The following MAGED1 variants were observed in gnomAD, a reference collection of about 807,000 sequenced individuals.
MAGED1 encodes the protein MAGE family member D1.
In MAGED1, 3 loss-of-function variants were observed where a neutral mutation model predicts 54.1. The observed-to-expected ratio is 0.06, with a 90% CI of 0.03 to 0.14. MAGED1 has a LOEUF of 0.14. MAGED1 is among the 10% of genes least tolerant of loss of function. The probability of loss-of-function intolerance (pLI) is 1.00; values close to 1 mark genes in which losing one functional copy is unlikely to be tolerated. For synonymous variants in MAGED1, 217 were observed against 227.3 expected, an observed-to-expected ratio of 0.95 and a Z score of 0.41; for missense variants, 485 against 623.4, an observed-to-expected ratio of 0.78 and a Z score of 2.36.
chrX:51,897,646 G>T lies in MAGED1; in HGVS notation c.1566+20G>T. On this transcript the variant is annotated intron_variant, in intron 6 of 12. Coordinates refer to ENST00000326587, the MANE Select transcript of MAGED1 (RefSeq NM_006986.4). ...GAGAAGGTGAGAAGGCAGCCCTGGG[G>T]TACAGGAATAATGGGGAAAGTCTTG... 1 of 1,179,291 alleles carries T rather than the reference G, an allele frequency of 8.5e-7. No individual in the cohort carries two copies. Among genetic ancestry groups the T allele is most frequent in the Non-Finnish European group, 1.2e-6 (1 of 866,636 alleles).
intron 1 of MAGED1, among the ~76,000 whole-genome samples, chrX:51,833,721 C>T (rs1447129626): frequency 1.8e-5 from 2 of 112,016 alleles, no homozygotes; most frequent in African/African-American, 6.5e-5. Flanking sequence ...TAACTAGGGA[C>T]AGTATATGTG....
intron 1 of MAGED1, among the ~76,000 whole-genome samples, chrX:51,814,527 T>G (rs1356836374): frequency 8.9e-6 from 1 of 111,861 alleles, no homozygotes; most frequent in Non-Finnish European, 1.9e-5. Flanking sequence ...GGAAGACATT[T>G]ATAAATATGA....
At chrX:51,844,519 G>A (rs1261086321) in intron 1 of MAGED1, among the ~76,000 whole-genome samples, 1 of 112,168 alleles carries the variant, frequency 8.9e-6, no homozygotes, top group Non-Finnish European at 1.9e-5. Flanking sequence ...AAAATTTGGA[G>A]ATTCACAGTC....
rs1928150915 is a variant in MAGED1 at position 51,883,907 on chromosome X, T to C, written c.-36-10362T>C. Among the ~76,000 whole-genome samples the C allele has an allele frequency of 2.7e-5, 3 of 111,327 alleles. No homozygotes were observed. In the South Asian group the frequency reaches 1.1e-3, roughly 42 times the overall value. ...AGCAAAATAAAAATAACAGAAGAAT[T>C]AATCAGGGAACTTGAAGATAGAACA... is the stretch of plus-strand genomic sequence containing the variant. On this transcript the variant is annotated intron_variant, in intron 1 of 12. Coordinates refer to the MAGED1 transcript ENST00000375772.
At chrX:51,865,118 A>G (rs1927416681) in intron 1 of MAGED1, among the ~76,000 whole-genome samples, 2 of 112,386 alleles carry the variant, frequency 1.8e-5, no homozygotes, top group Non-Finnish European at 3.8e-5. Flanking sequence ...GCCTTTGGGT[A>G]CATTCCTCTT....
chrX:51,885,027 C>G (rs1307864536), intron 1 of MAGED1, among the ~76,000 whole-genome samples: 2 of 112,290 alleles, frequency 1.8e-5, no homozygotes, highest in African/African-American at 6.5e-5. Context: ...TGGTGAGAGA[C>G]TGAATTTCTC....
chrX:51,855,053 G>C (rs1490967956), intron 1 of MAGED1, among the ~76,000 whole-genome samples: 1 of 111,666 alleles, frequency 9.0e-6, no homozygotes, highest in Non-Finnish European at 1.9e-5. Context: ...GTTTCTTCAT[G>C]TCCCTCTCTC....
At chrX:51,893,584 G>T (rs1401761568), upstream of MAGED1, 1 of 113,898 alleles carries the variant, frequency 8.8e-6, no homozygotes, top group Non-Finnish European at 1.9e-5. Context: ...ACGTCCTGAG[G>T]CGGTGGGTGG....
chrX:51,805,785 A>G (rs1237877677), intron 1 of MAGED1, among the ~76,000 whole-genome samples: 1 of 108,421 alleles, frequency 9.2e-6, no homozygotes, highest in Non-Finnish European at 1.9e-5. Context: ...CCATGCATCC[A>G]TCCATCCATC....
At chrX:51,824,992 C>G (rs1925802791) in intron 1 of MAGED1, among the ~76,000 whole-genome samples, 1 of 108,494 alleles carries the variant, frequency 9.2e-6, no homozygotes, top group African/African-American at 3.4e-5. Flanking sequence ...TTGAGCCCCT[C>G]TAATGAATTT....
At chrX:51,881,875 C>T (rs974585407) in intron 1 of MAGED1, among the ~76,000 whole-genome samples, 1 of 111,224 alleles carries the variant, frequency 9.0e-6, no homozygotes, top group Non-Finnish European at 1.9e-5. Context: ...TCTCTTCCTC[C>T]TCAATTCCTT....
intron 1 of MAGED1, among the ~76,000 whole-genome samples, chrX:51,836,824 T>A (rs1488420816): frequency 9.0e-6 from 1 of 111,222 alleles, no homozygotes; most frequent in Non-Finnish European, 1.9e-5. Context: ...TCCGCCCGCC[T>A]CGGCCTCCCA....
chrX:51,900,085 C>A, intron 10 of MAGED1, 97 bp from the exon 11 acceptor site: 1 of 546,222 alleles, frequency 1.8e-6, no homozygotes, highest in Non-Finnish European at 3.2e-6. Flanking sequence ...GGGGGAGTTG[C>A]TATCTGAAAT....
intron 1 of MAGED1, among the ~76,000 whole-genome samples, chrX:51,836,014 TGTC>T (rs1158846312): frequency 1.8e-5 from 2 of 111,678 alleles, no homozygotes; most frequent in African/African-American, 6.5e-5. Context: ...TTATCCAATT[TGTC>T]GTATTTTTAA....
At chrX:51,823,608 A>C (rs782429721) in intron 1 of MAGED1, among the ~76,000 whole-genome samples, 48 of 111,799 alleles carry the variant, frequency 4.3e-4, no homozygotes, top group African/African-American at 1.4e-3. Context: ...TGGAGAGTTC[A>C]ATCCATTCAC....
chrX:51,835,775 T>C (rs782026070), intron 1 of MAGED1, among the ~76,000 whole-genome samples: 1 of 111,700 alleles, frequency 9.0e-6, no homozygotes, highest in Non-Finnish European at 1.9e-5. Context: ...CTCCCGGGAC[T>C]CTGAGCTTCA....
chrX:51,868,271 G>A (rs1927528366), intron 1 of MAGED1, among the ~76,000 whole-genome samples: 1 of 111,436 alleles, frequency 9.0e-6, no homozygotes, highest in African/African-American at 3.3e-5. Context: ...GTAAGTGTGT[G>A]TGTGTGTTTG....
chrX:51,808,210 T>G (rs915373107), intron 1 of MAGED1, among the ~76,000 whole-genome samples: 1 of 112,038 alleles, frequency 8.9e-6, no homozygotes, highest in South Asian at 3.7e-4. Flanking sequence ...GTTAAGTTTT[T>G]GGGGATTTTA....
upstream of MAGED1, among the ~76,000 whole-genome samples, chrX:51,889,151 T>C (rs1210267608): frequency 9.0e-6 from 1 of 111,470 alleles, no homozygotes; most frequent in Admixed American, 9.6e-5. Context: ...GATTTTGTAC[T>C]GCAGTTACAC....
Sources: allele counts gnomAD v4.1 joint callset (sites outside exome capture counted in the v4.1 genomes callset), GRCh38; gene constraint gnomAD v4.1.1; transcripts MANE v1.5; gene names NCBI Gene and HGNC (gene_info 2026-07-23, HGNC 2026-07-21).